PLXNB3: variants seen among roughly 807,000 people sequenced by gnomAD.
The protein encoded by PLXNB3 is plexin B3.
Under a neutral mutation model 125.7 loss-of-function variants are expected in PLXNB3, and 80 were observed. That is an observed-to-expected ratio of 0.64 (90% CI 0.53 to 0.77). The LOEUF (loss-of-function observed/expected upper bound fraction) is 0.77, where lower values mean the gene tolerates loss of function less well. PLXNB3 is among the 30% of genes least tolerant of loss of function. The pLI, the probability that PLXNB3 is intolerant of heterozygous loss-of-function variation, is 0.00. For synonymous variants in PLXNB3, 954 were observed against 783.3 expected (o/e 1.22, Z -3.64); for missense variants, 1,836 against 1,729.3 (o/e 1.06, Z -1.09).
intron 28 of PLXNB3, 131 bp from the exon 29 acceptor site, chrX:153,776,756 G>A: frequency 2.7e-6 from 1 of 369,647 alleles, no homozygotes. Context: ...GGGCAGGGAT[G>A]GGGTGGGGCA....
At chrX:153,766,131 G>A in intron 2 of PLXNB3, 1 of 1,094,119 alleles carries the variant, frequency 9.1e-7, no homozygotes, top group Non-Finnish European at 1.2e-6. Context: ...AGCCTGTGTT[G>A]TCTCTTGACA....
Position 153,768,294 on chromosome X carries a change from C to A in PLXNB3, c.1132C>A (p.Pro378Thr), listed in dbSNP as rs1433090818. 8.3e-7 allele frequency: 1 copy of A among 1,206,391 alleles called. No homozygotes were observed. Among genetic ancestry groups the A allele is most frequent in the Non-Finnish European group, 1.1e-6 (1 of 892,057 alleles). Reference sequence around the variant, plus strand: ...CTGTGGCGACGAGCACACCCCCAGCCCCATTGCTGGCCGCCAGCCCCTGGA... The same window carrying A: ...CTGTGGCGACGAGCACACCCCCAGCACCATTGCTGGCCGCCAGCCCCTGGA... ...YPCGDEHTPS[P>T]IAGRQPLEVQ... Residue 378 changes from proline (P) to threonine (T), a missense_variant, in exon 4 of 36, where the codon CCC becomes ACC. Coordinates refer to ENST00000361971, the MANE Select transcript of PLXNB3 (RefSeq NM_005393.3).
intron 19 of PLXNB3, 22 bp from the exon 20 acceptor site, chrX:153,773,837 G>A (rs1557062904): frequency 8.3e-7 from 1 of 1,210,322 alleles, no homozygotes. Context: ...TCCACCTGTG[G>A]TCGGCCCTGA....
chrX:153,769,918 C>G lies in PLXNB3; in HGVS notation c.1608C>G (p.His536Gln), dbSNP rs1557060961. ...TCCAGAGCCTGCTGCCGGGCCACCACCCCCGCCAGGAGCAGGGCCAGGTAA... is the reference window on the plus strand; with the variant it reads ...TCCAGAGCCTGCTGCCGGGCCACCAGCCCCGCCAGGAGCAGGGCCAGGTAA... ...LHIQSLLPGH[H>Q]PRQEQGQVTL... is the part of the protein sequence containing the mutation. Residue 536 changes from histidine (H) to glutamine (Q), a missense_variant, in exon 7 of 36, where the codon CAC becomes CAG. Physicochemically the swap from His to Gln is conservative, Grantham distance 24. Coordinates refer to ENST00000361971, the MANE Select transcript of PLXNB3 (RefSeq NM_005393.3). The G allele has an allele frequency of 4.1e-6, 5 of 1,207,843 alleles. No individual in the cohort carries two copies. Among genetic ancestry groups the G allele is most frequent in the Non-Finnish European group, 5.6e-6 (5 of 893,907 alleles).
In PLXNB3 at chrX:153,776,903, C is replaced by T. The variant is rs1557064575; in HGVS notation, c.4850C>T (p.Thr1617Ile). 2 of 1,196,947 alleles carry T rather than the reference C, an allele frequency of 1.7e-6. No homozygotes were observed. The highest frequency in any genetic ancestry group is 2.3e-6 in the Non-Finnish European group (2 of 886,699). ...LQHYKVPDGA[T>I]VGLVPQLHRG... ...CTCTGCCAGGTCCCAGATGGAGCAA[C>T]AGTGGGGCTCGTCCCTCAGCTGCAC... Residue 1617 changes from threonine (T) to isoleucine (I), a missense_variant, in exon 29 of 36, where the codon ACA becomes ATA. Transcript: ENST00000361971.
chrX:153,776,773 G>C (rs1490604512), intron 28 of PLXNB3, 114 bp from the exon 29 acceptor site: 6 of 424,694 alleles, frequency 1.4e-5, no homozygotes, highest in South Asian at 4.4e-5. Flanking sequence ...GGCAGGGTGA[G>C]GCGAGGCAGG....
chrX:153,768,553 T>G, intron 4 of PLXNB3, 125 bp downstream of exon 4: 1 of 628,489 alleles, frequency 1.6e-6, no homozygotes, highest in Non-Finnish European at 2.4e-6. Flanking sequence ...TGCCACACAG[T>G]GACTGCTGGC....
At chrX:153,769,971 G>A in intron 7 of PLXNB3, 32 bp downstream of exon 7, 1 of 1,197,271 alleles carries the variant, frequency 8.4e-7, no homozygotes, top group Non-Finnish European at 1.1e-6. Flanking sequence ...GGCCCTCTGG[G>A]CAGCATGACC....
At position 153,769,804 on chromosome X, in the gene PLXNB3, C is replaced by T. The variant is rs782606627; in HGVS notation, c.1497-3C>T. 3 of 1,202,199 alleles carry T rather than the reference C, an allele frequency of 2.5e-6. No individual in the cohort carries two copies. Among genetic ancestry groups the T allele is most frequent in the South Asian group, 3.6e-5 (2 of 55,622 alleles). The stretch of plus-strand genomic sequence containing the variant: ...GGTGACCTGATGGACCCCTGCCTGG[C>T]AGGTGTACCCGGAAGGGCCAGTGCG... On this transcript the variant is annotated splice_region_variant and splice_polypyrimidine_tract_variant and intron_variant, in intron 6 of 35. Transcript: ENST00000361971.
At position 153,772,818 on chromosome X, in the gene PLXNB3, G is replaced by C. The variant is rs2091947529; in HGVS notation, c.2776-68G>C. On this transcript the variant is annotated intron_variant, in intron 16 of 35. Coordinates refer to ENST00000361971, the MANE Select transcript of PLXNB3 (RefSeq NM_005393.3). ...GCGCTTCAGAACCGGAGGGCCTTGGGCATGGCCCAGGGGGGTGAAAGGGCC... is the reference window on the plus strand; with the variant it reads ...GCGCTTCAGAACCGGAGGGCCTTGGCCATGGCCCAGGGGGGTGAAAGGGCC... The C allele has an allele frequency of 2.9e-6, 3 of 1,047,867 alleles. No individual in the cohort carries two copies. The Admixed American group carries it at 1.4e-4, about 48-fold the overall frequency. 86.4% of individuals were successfully genotyped at this position (1,047,867 alleles called of 1,213,427 possible).
At chrX:153,778,771 C>T (rs1217723866) in intron 35 of PLXNB3, 97 bp downstream of exon 35, 1 of 1,121,755 alleles carries the variant, frequency 8.9e-7, no homozygotes, top group Non-Finnish European at 1.2e-6. Context: ...CTGGCGGGGC[C>T]CAGGCTGGGG....
In PLXNB3 at chrX:153,774,051, C is replaced by A; in HGVS notation, c.3472C>A (p.Pro1158Thr). The change falls in exon 20 of 36, where the codon CCT (proline) becomes ACT (threonine). Residue 1158 changes from proline (P) to threonine (T), a missense_variant. Coordinates refer to ENST00000361971, the MANE Select transcript of PLXNB3 (RefSeq NM_005393.3). ...PRLAPLSREG[P>T]ARPYRLKPGH... ...CCTGGCACCCCTCAGCCGCGAGGGG[C>A]CTGCCCGCCCCTACCGCCTCAAGCC... 1 of 1,189,289 alleles carries A rather than the reference C, an allele frequency of 8.4e-7. No homozygotes were observed. The highest frequency in any genetic ancestry group is 1.7e-5 in the African/African-American group (1 of 57,689).
chrX:153,769,341 C>A, intron 6 of PLXNB3, 79 bp downstream of exon 6: 1 of 859,928 alleles, frequency 1.2e-6, no homozygotes. Context: ...TAGCCCTAGG[C>A]GTGCCGGGAG....
chrX:153,775,524 G>T (rs1012637061), intron 25 of PLXNB3, 70 bp from the exon 26 acceptor site: 1 of 1,157,318 alleles, frequency 8.6e-7, no homozygotes, highest in Non-Finnish European at 1.2e-6. Flanking sequence ...CAGGTGGGGG[G>T]AAGGAAAGTG....
Position 153,767,711 on chromosome X carries a change from C to A in PLXNB3, c.884C>A (p.Ala295Asp). 4 of 1,179,759 alleles carry A rather than the reference C, an allele frequency of 3.4e-6. No individual in the cohort carries two copies. The highest frequency in any genetic ancestry group is 3.4e-6 in the Non-Finnish European group (3 of 879,331). Reference protein sequence around the residue: ...GQGLIQAAFLAPGTLLGVFAA... With the variant: ...GQGLIQAAFLDPGTLLGVFAA... ...GGCCTCATCCAGGCCGCCTTCCTTG[C>A]CCCGGGCACCTTGCTAGGGGTGTTT... Residue 295 changes from alanine (A) to aspartate (D), a missense_variant, in exon 3 of 36, where the codon GCC (alanine) becomes GAC (aspartate). Coordinates refer to ENST00000361971, the MANE Select transcript of PLXNB3 (RefSeq NM_005393.3).
Position 153,774,037 on chromosome X carries a change from T to C in PLXNB3, c.3458T>C (p.Leu1153Pro). The change falls in exon 20 of 36, where the codon CTC becomes CCC. Residue 1153 changes from leucine to proline, a missense_variant. Leu to Pro is a moderately conservative substitution (Grantham distance 98). Transcript: ENST00000361971. Reference protein sequence around the residue: ...LYQPNPRLAPLSREGPARPYR... With the variant: ...LYQPNPRLAPPSREGPARPYR... The stretch of plus-strand genomic sequence containing the variant: ...CAGCCCAACCCCCGCCTGGCACCCC[T>C]CAGCCGCGAGGGGCCTGCCCGCCCC... The C allele has an allele frequency of 7.5e-6, 9 of 1,195,306 alleles. No individual in the cohort carries two copies. Among genetic ancestry groups the C allele is most frequent in the Non-Finnish European group, 1.0e-5 (9 of 887,102 alleles).
chrX:153,771,785 T>C, intron 14 of PLXNB3, 79 bp from the exon 15 acceptor site: 1 of 1,151,636 alleles, frequency 8.7e-7, no homozygotes, highest in Non-Finnish European at 1.2e-6. Flanking sequence ...GCTGGGCTGG[T>C]TGGCTGGCCG....
intron 4 of PLXNB3, 80 bp downstream of exon 4, chrX:153,768,508 C>G (rs1186244523): frequency 1.2e-5 from 11 of 924,866 alleles, no homozygotes; most frequent in Admixed American, 2.9e-5. Flanking sequence ...ACTTCCACCT[C>G]TTAGCCCGCA....
Position 153,773,986 on chromosome X carries a change from C to T in PLXNB3, c.3407C>T (p.Ala1136Val). The T allele has an allele frequency of 8.3e-7, 1 of 1,209,239 alleles. No homozygotes were observed. Among genetic ancestry groups the T allele is most frequent in the Non-Finnish European group, 1.1e-6 (1 of 894,442 alleles). ...AACGTGCAAGTGGACTTCGCCAGTG[C>T]CAGTGGGGGCCAGGGCTTCCTGTAC... ...LDNVQVDFAS[A>V]SGGQGFLYQP... Residue 1136 changes from alanine (A) to valine (V), a missense_variant, in exon 20 of 36, where the codon GCC becomes GTC. By Grantham distance (64) the Ala-to-Val change is moderately conservative (BLOSUM62 0). Coordinates refer to ENST00000361971, the MANE Select transcript of PLXNB3 (RefSeq NM_005393.3).
Sources: allele counts gnomAD v4.1 joint callset, GRCh38; gene constraint gnomAD v4.1.1; transcripts MANE v1.5; gene names NCBI Gene and HGNC (gene_info 2026-07-23, HGNC 2026-07-21).